Variants in KLHL15 observed in about 807,000 individuals in gnomAD.
The protein encoded by KLHL15 is kelch-like protein 15.
In KLHL15, 1 loss-of-function variant was observed where a neutral mutation model predicts 29.3. That is an observed-to-expected ratio of 0.03 (90% confidence interval 0.01 to 0.16). The LOEUF (loss-of-function observed/expected upper bound fraction) is 0.16. Among genes scored for constraint, KLHL15 ranks in the 10% least tolerant of loss-of-function variants. KLHL15 has a pLI of 1.00. For missense variants in KLHL15, 215 were observed against 478.5 expected (o/e 0.45, Z 5.14); for synonymous variants, 212 against 184.5 (o/e 1.15, Z -1.21).
At chrX:24,006,732 C>A in intron 2 of KLHL15, 32 bp from the exon 3 acceptor site, 1 of 995,113 alleles carries the variant, frequency 1.0e-6, no homozygotes, top group Non-Finnish European at 1.4e-6. Flanking sequence ...CAATGTTAAA[C>A]ACTTCCATGC....
intron 2 of KLHL15, among the ~76,000 whole-genome samples, chrX:24,022,757 T>G (rs1202157593): frequency 9.4e-6 from 1 of 106,438 alleles, no homozygotes; most frequent in African/African-American, 3.4e-5. Flanking sequence ...TTTGCTCTCG[T>G]CGCCCAGGCT....
chrX:24,017,552 G>A (rs776164621), intron 2 of KLHL15, among the ~76,000 whole-genome samples: 1 of 109,730 alleles, frequency 9.1e-6, no homozygotes, highest in East Asian at 2.9e-4. Context: ...AGGCCGAGAT[G>A]GGCATATCGC....
intron 3 of KLHL15, among the ~76,000 whole-genome samples, chrX:24,000,568 T>C (rs1449546037): frequency 1.8e-5 from 2 of 112,697 alleles, no homozygotes; most frequent in Non-Finnish European, 3.7e-5. Flanking sequence ...ATTTCTCATG[T>C]ACTTCCAAAA....
chrX:23,999,942 G>A (rs1023487271), intron 3 of KLHL15, among the ~76,000 whole-genome samples: 8 of 112,051 alleles, frequency 7.1e-5, no homozygotes, highest in Non-Finnish European at 1.1e-4. Flanking sequence ...AAAGGAGTCC[G>A]ATGCAGAAAA....
intron 3 of KLHL15, among the ~76,000 whole-genome samples, chrX:24,004,805 A>C (rs1929414152): frequency 9.1e-6 from 1 of 110,328 alleles, no homozygotes; most frequent in African/African-American, 3.3e-5. Context: ...AAAAAAAAAA[A>C]ATACATACAT....
chrX:24,011,341 T>C (rs1207254885), intron 2 of KLHL15, among the ~76,000 whole-genome samples: 4 of 83,946 alleles, frequency 4.8e-5, no homozygotes, highest in Admixed American at 3.9e-4. Flanking sequence ...CACTGTCTCT[T>C]AAAAAAAAAA....
At chrX:23,997,013 C>A (rs1221173104) in intron 3 of KLHL15, among the ~76,000 whole-genome samples, 3 of 111,711 alleles carry the variant, frequency 2.7e-5, no homozygotes, top group Non-Finnish European at 5.6e-5. Flanking sequence ...AAAGATAAAT[C>A]GTAGTAAGAA....
chrX:24,018,225 C>G (rs1048432438), intron 2 of KLHL15, among the ~76,000 whole-genome samples: 2 of 111,676 alleles, frequency 1.8e-5, no homozygotes, highest in Non-Finnish European at 3.8e-5. Context: ...AGTGCGTAGC[C>G]CCACTCTCCC....
At chrX:23,996,662 C>CA (rs1236247072) in intron 3 of KLHL15, among the ~76,000 whole-genome samples, 1 of 111,015 alleles carries the variant, frequency 9.0e-6, no homozygotes, top group Non-Finnish European at 1.9e-5. Flanking sequence ...GACTCCATCT[C>CA]AAAAAACAAA....
At chrX:24,012,885 A>G (rs781395594) in intron 2 of KLHL15, among the ~76,000 whole-genome samples, 6 of 111,821 alleles carry the variant, frequency 5.4e-5, no homozygotes, top group Non-Finnish European at 9.4e-5. Flanking sequence ...CTAAGACAGC[A>G]AAGTATGTAA....
At chrX:24,017,211 CA>C (rs781366129) in intron 2 of KLHL15, among the ~76,000 whole-genome samples, 4,340 of 43,045 alleles carry the variant, frequency 0.1, 253 homozygotes, top group African/African-American at 0.23. Context: ...GAGCCTGTCT[CA>C]AAAAAAAAAA....
chrX:23,997,754 A>AAAAAAT (rs1555975594), intron 3 of KLHL15, among the ~76,000 whole-genome samples: 2 of 67,194 alleles, frequency 3.0e-5, no homozygotes, highest in African/African-American at 9.0e-5. Context: ...AAAAAAAAAA[A>AAAAAAT]TTTTTTTTTT....
rs1318612512 is a variant in KLHL15, at chrX:23,987,061, TAA to T, written c.*858_*859del. 8.9e-6 allele frequency: 1 copy of T among 112,525 alleles called. No homozygotes were observed. The highest frequency in any genetic ancestry group is 3.2e-5 in the African/African-American group (1 of 31,040). 9.3% of individuals were successfully genotyped at this position (112,525 alleles called of 1,213,427 possible). ...AACATTTACTTTTGAAAATAAAATATAAAGTGTTAGTTTTCATAACCATACAT... is the reference window on the plus strand; with the variant it reads ...AACATTTACTTTTGAAAATAAAATATAGTGTTAGTTTTCATAACCATACAT... On this transcript the variant is annotated 3_prime_UTR_variant, in exon 4 of 4. Transcript: ENST00000328046.
chrX:24,004,418 T>C (rs912004875), intron 3 of KLHL15, among the ~76,000 whole-genome samples: 1 of 110,729 alleles, frequency 9.0e-6, no homozygotes, highest in Non-Finnish European at 1.9e-5. Context: ...ATAAAAACAA[T>C]AGGAAAAAAA....
intron 3 of KLHL15, among the ~76,000 whole-genome samples, chrX:24,001,916 A>G (rs966903277): frequency 1.4e-4 from 15 of 107,614 alleles, no homozygotes; most frequent in South Asian, 8.2e-4. Context: ...GGTGGATCAC[A>G]AGGTCAGGAG....
intron 2 of KLHL15, among the ~76,000 whole-genome samples, chrX:24,020,973 G>T (rs976473455): frequency 5.4e-5 from 6 of 111,794 alleles, no homozygotes; most frequent in African/African-American, 2.0e-4. Flanking sequence ...GAGACAAAGG[G>T]TATTTTTTTC....
chrX:23,990,413 A>G (rs1929058417), intron 3 of KLHL15, among the ~76,000 whole-genome samples: 1 of 111,402 alleles, frequency 9.0e-6, no homozygotes, highest in Admixed American at 9.6e-5. Flanking sequence ...TGGAAGATAT[A>G]AGAAGTAGGG....
At chrX:24,003,645 ATATGTGTG>A (rs773167566) in intron 3 of KLHL15, among the ~76,000 whole-genome samples, 4,215 of 80,189 alleles carry the variant, frequency 0.053, 227 homozygotes, top group African/African-American at 0.22. Flanking sequence ...TAGCATAAAT[ATATGTGTG>A]TGTGTGTGTG....
chrX:24,008,878 A>C (rs867216448), intron 2 of KLHL15, among the ~76,000 whole-genome samples: 2 of 107,437 alleles, frequency 1.9e-5, no homozygotes, highest in Non-Finnish European at 3.8e-5. Flanking sequence ...TTAGAAAAAA[A>C]AAAAACAAAA....
Sources: allele counts gnomAD v4.1 joint callset (sites outside exome capture counted in the v4.1 genomes callset), GRCh38; gene constraint gnomAD v4.1.1; transcripts MANE v1.5; gene names NCBI Gene and HGNC (gene_info 2026-07-23, HGNC 2026-07-21).